SYNJ1: variants seen among roughly 807,000 people sequenced by gnomAD.
SYNJ1 encodes synaptojanin 1, also known as polyphosphatidylinositol phosphatase SYNJ1.
Under a neutral mutation model 168.2 loss-of-function variants are expected in SYNJ1, and 78 were observed. The observed-to-expected ratio is 0.46, with a 90% CI of 0.39 to 0.56. The LOEUF is 0.56. SYNJ1 is among the 20% of genes least tolerant of loss of function. The probability of loss-of-function intolerance (pLI) is 0.00; values close to 1 mark genes in which losing one functional copy is unlikely to be tolerated. For missense variants in SYNJ1, 1,303 were observed against 1,597.6 expected (o/e 0.82, Z 3.14); for synonymous variants, 539 against 548.6 (o/e 0.98, Z 0.24).
intron 29 of SYNJ1, among the ~76,000 whole-genome samples, chr21:32,641,575 CATTA>C (rs1464596770): frequency 6.6e-6 from 1 of 151,984 alleles, no homozygotes; most frequent in Non-Finnish European, 1.5e-5. Context: ...TTTATATCTT[CATTA>C]ATTACTCAGG....
Position 32,650,378 on chromosome 21 carries a change from T to A in SYNJ1, c.2875-32A>T, listed in dbSNP as rs776760477. On this transcript the variant is annotated intron_variant, in intron 22 of 32. Coordinates refer to ENST00000674351, the MANE Select transcript of SYNJ1 (RefSeq NM_203446.3). ...GAGTAAAAGAGATATAAAATAAAGA[T>A]TAACATGAAAGCTAACTAATTTGGA... 11 of 1,567,520 alleles carry A rather than the reference T, an allele frequency of 7.0e-6. No homozygotes were observed. In the Admixed American group the frequency reaches 2.2e-4, roughly 31 times the overall value.
rs1259220288 is a variant in SYNJ1, at chr21:32,688,364, C to T, written c.793G>A (p.Gly265Arg). The part of the protein sequence containing the change: ...LFWEQPGLQV[G>R]SHRVRMSRGF... The stretch of plus-strand genomic sequence containing the variant: ...CTTGACATACGGACACGATGAGATC[C>T]CACCTTAGACAAGAAAAATATATTT... Residue 265 changes from glycine (G) to arginine (R), a missense_variant, in exon 7 of 33, where the codon GGA becomes AGA. Gly to Arg is a moderately radical substitution (Grantham distance 125). Around this residue, in one of 2 missense-constraint regions of SYNJ1, gnomAD observed 920 missense variants for 1,208.8 expected, o/e 0.76. Transcript: ENST00000674351. The T allele has an allele frequency of 1.2e-6, 2 of 1,612,490 alleles. No individual in the cohort carries two copies. Among genetic ancestry groups the T allele is most frequent in the Non-Finnish European group, 1.7e-6 (2 of 1,179,490 alleles).
At chr21:32,634,129 G>A (rs2039459348) in intron 32 of SYNJ1, among the ~76,000 whole-genome samples, 1 of 152,178 alleles carries the variant, frequency 6.6e-6, no homozygotes, top group Admixed American at 6.5e-5. Flanking sequence ...TAGAACAGAA[G>A]TCACCTGCTG....
chr21:32,704,216 C>T (rs1362361692), intron 2 of SYNJ1, among the ~76,000 whole-genome samples: 1 of 152,140 alleles, frequency 6.6e-6, no homozygotes, highest in African/African-American at 2.4e-5. Flanking sequence ...TTCAAACATG[C>T]AAACAAATGC....
rs2042266002 is a variant in SYNJ1, at chr21:32,697,867, C to T, written c.479+1971G>A. 2.6e-5 allele frequency among the ~76,000 whole-genome samples: 4 copies of T among 152,160 alleles called. No individual in the cohort carries two copies. The South Asian group carries it at 8.3e-4, about 31-fold the overall frequency. The stretch of plus-strand genomic sequence containing the variant: ...AACCTAGGCAATATATCTGCATCTG[C>T]TTGGACTTCTAATTGTTGTATGAAA... On this transcript the variant is annotated intron_variant, in intron 4 of 32. Transcript: ENST00000674351.
rs2041815913 is a variant in SYNJ1 at position 32,685,730 on chromosome 21, G to C, written c.1118+18C>G. 1 of 1,528,494 alleles carries C rather than the reference G, an allele frequency of 6.5e-7. No individual in the cohort carries two copies. Among genetic ancestry groups the C allele is most frequent in the Non-Finnish European group, 8.7e-7 (1 of 1,143,250 alleles). 94.7% of individuals were successfully genotyped at this position (1,528,494 alleles called of 1,614,324 possible). ...TTAATGTTCCAATTCAAAGAACAGA[G>C]AAACAGAACAGTCAAACCTTTGAAC... On this transcript the variant is annotated intron_variant, in intron 9 of 32. Coordinates refer to ENST00000674351, the MANE Select transcript of SYNJ1 (RefSeq NM_203446.3).
chr21:32,647,736 C>T (rs1373446218), intron 23 of SYNJ1, among the ~76,000 whole-genome samples: 2 of 152,186 alleles, frequency 1.3e-5, no homozygotes, highest in Non-Finnish European at 2.9e-5. Flanking sequence ...ACTGATTCCC[C>T]TGTTTAATCT....
At chr21:32,680,582 T>C (rs1569084316) in intron 11 of SYNJ1, among the ~76,000 whole-genome samples, 1 of 151,982 alleles carries the variant, frequency 6.6e-6, no homozygotes, top group African/African-American at 2.4e-5. Context: ...AAATAAAAAG[T>C]AATGATGAAA....
chr21:32,714,129 T>C (rs1601521155), intron 2 of SYNJ1, among the ~76,000 whole-genome samples: 2 of 152,266 alleles, frequency 1.3e-5, no homozygotes, highest in East Asian at 3.9e-4. Flanking sequence ...AAAAAATACA[T>C]TTGAGCAGAC....
chr21:32,728,072 C>A, upstream of SYNJ1: 1 of 1,521,634 alleles, frequency 6.6e-7, no homozygotes. Flanking sequence ...AGATCCGCCC[C>A]GCGCGAGGGA....
chr21:32,692,276 G>A (rs2042053327), intron 6 of SYNJ1, among the ~76,000 whole-genome samples: 1 of 152,004 alleles, frequency 6.6e-6, no homozygotes, highest in Non-Finnish European at 1.5e-5. Flanking sequence ...AGAGAACTTG[G>A]TTAAAAATGA....
Position 32,687,067 on chromosome 21 carries a change from TA to T in SYNJ1, c.858del (p.Phe286LeufsTer12). 2 of 1,476,782 alleles carry T rather than the reference TA, an allele frequency of 1.4e-6. No homozygotes were observed. Among genetic ancestry groups the T allele is most frequent in the Non-Finnish European group, 1.8e-6 (2 of 1,103,412 alleles). The allele number at this position is 1,476,782 out of a possible 1,614,324, so 91.5% of individuals were successfully genotyped here. A position where few individuals can be genotyped will look rare whatever the true frequency, so the allele number is the denominator to read the frequency against. On this transcript the variant is annotated frameshift_variant, in exon 8 of 33. Transcript: ENST00000674351. LOFTEE classifies it high-confidence loss of function. The part of the protein sequence containing the change: ...EANAPAFDRH[F>X]RTLKNLYGKQ... ...TTACCATATAAGTTCTTAAGTGTTC[TA>T]AAATGCCTATTTAAGAAAGAAAGGA...
chr21:32,688,460 G>A, intron 6 of SYNJ1, 93 bp from the exon 7 acceptor site: 1 of 1,020,588 alleles, frequency 9.8e-7, no homozygotes, highest in Non-Finnish European at 1.4e-6. Flanking sequence ...TTTCTTTGCT[G>A]AACACACAGT....
rs1436531004 is a variant in SYNJ1, at chr21:32,727,892, G to A, written c.-23+54C>T. The A allele has an allele frequency of 6.5e-6, 10 of 1,527,878 alleles. No homozygotes were observed. The East Asian group carries it at 1.2e-4, about 19-fold the overall frequency. The allele number at this position is 1,527,878 out of a possible 1,614,324, so 94.6% of individuals were successfully genotyped here. A position where few individuals can be genotyped will look rare whatever the true frequency, so the allele number is the denominator to read the frequency against. On this transcript the variant is annotated intron_variant, in intron 1 of 32. Transcript: ENST00000674351. ...TGGTCTTGGAGGCGTCCGCCCGCCCGGCTGCCCGTGGGTCTGGCCGCAGCA... is the reference window on the plus strand; with the variant it reads ...TGGTCTTGGAGGCGTCCGCCCGCCCAGCTGCCCGTGGGTCTGGCCGCAGCA...
Position 32,681,626 on chromosome 21 carries a change from G to T in SYNJ1, c.1223C>A (p.Ala408Asp). 1.2e-6 allele frequency: 2 copies of T among 1,613,140 alleles called. No individual in the cohort carries two copies. Among genetic ancestry groups the T allele is most frequent in the Non-Finnish European group, 1.7e-6 (2 of 1,179,572 alleles). ...CTGAGGCTTTTCAGCTAAACCAAGA[G>T]CTTCCAACTGTTTAGCTAGCATCTT... is the stretch of plus-strand genomic sequence containing the variant. ...GLEMLAKQLE[A>D]LGLAEKPQLV... The change falls in exon 11 of 33, where the codon GCT becomes GAT. Residue 408 changes from alanine (A) to aspartate (D), a missense_variant. Transcript: ENST00000674351.
Position 32,696,460 on chromosome 21 carries a change from C to T in SYNJ1, c.480-1178G>A, listed in dbSNP as rs1262613714. Among the ~76,000 whole-genome samples, 4 of 152,270 alleles carry T rather than the reference C, an allele frequency of 2.6e-5. No individual in the cohort carries two copies. The East Asian group carries it at 7.7e-4, about 29-fold the overall frequency. On this transcript the variant is annotated intron_variant, in intron 4 of 32. Transcript: ENST00000674351. ...GTTGGCCTTCTCACCCTGATTACCC[C>T]TCAGGGATCTCTCCTGGAACCTTAG...
intron 10 of SYNJ1, 21 bp downstream of exon 10, chr21:32,684,017 C>T (rs1278266930): frequency 3.1e-6 from 5 of 1,606,470 alleles, no homozygotes; most frequent in Non-Finnish European, 4.3e-6. Flanking sequence ...AAGGCACATA[C>T]ATTTTAATTT....
chr21:32,685,425 C>CAAAAAAAAA (rs57470866), intron 9 of SYNJ1, among the ~76,000 whole-genome samples: 2 of 67,236 alleles, frequency 3.0e-5, no homozygotes, highest in African/African-American at 6.3e-5. Context: ...CCGTCTCTAC[C>CAAAAAAAAA]AAAAAAAAAA....
At chr21:32,638,684 A>C (rs1721366403) in intron 31 of SYNJ1, among the ~76,000 whole-genome samples, 2 of 152,144 alleles carry the variant, frequency 1.3e-5, no homozygotes, top group Non-Finnish European at 2.9e-5. Flanking sequence ...GAGACAGAGC[A>C]AGACTTCGTC....
Sources: gnomAD v4.1 joint callset for allele counts (sites outside exome capture counted in the v4.1 genomes callset) on GRCh38, gnomAD v4.1.1 for gene constraint, gnomAD v4.1.1 regional missense constraint, MANE v1.5 for transcripts, NCBI Gene and HGNC (gene_info 2026-07-23, HGNC 2026-07-21) for gene names.